The following VPS13B variants were observed in gnomAD, a reference collection of about 807,000 sequenced individuals.
VPS13B encodes intermembrane lipid transfer protein VPS13B.
A neutral mutation model predicts 426.4 loss-of-function variants in VPS13B; 285 were observed. The ratio of observed to expected loss-of-function variants is 0.67; its 90% CI spans 0.61 to 0.74. The LOEUF is 0.74. Ranked by LOEUF, VPS13B falls within the 30% of genes least tolerant of loss-of-function variation. The pLI is 0.00. For synonymous variants in VPS13B, 1,676 were observed against 1,676.4 expected (o/e 1.00, Z 0.01); for missense variants, 4,537 against 4,782.6 (o/e 0.95, Z 1.51).
chr8:99,512,142 T>C (rs993826710), intron 29 of VPS13B, among the ~76,000 whole-genome samples: 1 of 152,258 alleles, frequency 6.6e-6, no homozygotes, highest in Non-Finnish European at 1.5e-5. Flanking sequence ...CAAGCCAGTT[T>C]CTACTTTTTA....
At position 99,695,469 on chromosome 8, in the gene VPS13B, A is replaced by G. The variant is rs961202832; in HGVS notation, c.6047-4056A>G. 8.3e-5 allele frequency among the ~76,000 whole-genome samples: 12 copies of G among 144,208 alleles called. No individual in the cohort carries two copies. The South Asian group carries it at 9.2e-4, about 11-fold the overall frequency. 94.6% of individuals were successfully genotyped at this position (144,208 alleles called of 152,430 possible). Reference sequence around the variant, plus strand: ...AAGAACAAAAAACCAAACACCGCATATTCTCACTCATAGGTGGGAATTGAA... The same window carrying G: ...AAGAACAAAAAACCAAACACCGCATGTTCTCACTCATAGGTGGGAATTGAA... On this transcript the variant is annotated intron_variant, in intron 35 of 61. Transcript: ENST00000357162.
At chr8:99,042,975 G>C (rs921805327) in intron 3 of VPS13B, among the ~76,000 whole-genome samples, 1 of 152,132 alleles carries the variant, frequency 6.6e-6, no homozygotes, top group African/African-American at 2.4e-5. Flanking sequence ...TGAGGCAGCT[G>C]TTTTGATTTG....
In VPS13B at chr8:99,259,250, T is replaced by C. The variant is rs78911620; in HGVS notation, c.2516-14948T>C. On this transcript the variant is annotated intron_variant, in intron 17 of 61. Coordinates refer to ENST00000357162, the MANE Select transcript of VPS13B (RefSeq NM_152564.5). Reference sequence around the variant, plus strand: ...TTTAACCTCAGAAATTATGTTTTTCTTCCTCTTCTATCATGGATGAAATCT... The same window carrying C: ...TTTAACCTCAGAAATTATGTTTTTCCTCCTCTTCTATCATGGATGAAATCT... Among the ~76,000 whole-genome samples the C allele has an allele frequency of 1.2e-4, 19 of 152,250 alleles. No homozygotes were observed. In the East Asian group the frequency reaches 3.7e-3, roughly 29 times the overall value.
intron 35 of VPS13B, among the ~76,000 whole-genome samples, chr8:99,671,540 C>T (rs768093378): frequency 2.6e-5 from 4 of 152,062 alleles, no homozygotes; most frequent in Non-Finnish European, 5.9e-5. Flanking sequence ...AGAAAATCAC[C>T]GTCCAGACCA....
At chr8:99,838,153 G>T (rs1348545558) in intron 54 of VPS13B, among the ~76,000 whole-genome samples, 1 of 152,204 alleles carries the variant, frequency 6.6e-6, no homozygotes, top group African/African-American at 2.4e-5. Context: ...TGGGCTTTCT[G>T]TGGTTGAATC....
chr8:99,330,300 T>G (rs1335537449), intron 19 of VPS13B, among the ~76,000 whole-genome samples: 2 of 151,916 alleles, frequency 1.3e-5, no homozygotes, highest in Non-Finnish European at 2.9e-5. Context: ...ATTATGCCAT[T>G]CATAGAGAAT....
At chr8:99,362,432 G>A (rs1458496910) in intron 19 of VPS13B, among the ~76,000 whole-genome samples, 22 of 152,074 alleles carry the variant, frequency 1.4e-4, no homozygotes, top group Admixed American at 1.3e-3. Flanking sequence ...GTGGGACACC[G>A]CGCCTGGCCT....
At chr8:99,029,601 GTCT>G (rs2132185859) in intron 2 of VPS13B, among the ~76,000 whole-genome samples, 1 of 151,896 alleles carries the variant, frequency 6.6e-6, no homozygotes, top group Admixed American at 6.5e-5. Context: ...GCAAAACCCT[GTCT>G]CCACCAAAAA....
intron 19 of VPS13B, among the ~76,000 whole-genome samples, chr8:99,314,154 C>T (rs1045987889): frequency 7.4e-4 from 113 of 152,220 alleles, no homozygotes; most frequent in African/African-American, 2.6e-3. Context: ...GGCTCATGCT[C>T]GTTGGGCTGC....
chr8:99,749,788 C>T (rs1349171859), intron 39 of VPS13B, among the ~76,000 whole-genome samples: 1 of 151,930 alleles, frequency 6.6e-6, no homozygotes, highest in African/African-American at 2.4e-5. Flanking sequence ...TATGATAGTT[C>T]TATTTTTAGT....
chr8:99,117,512 T>TTCA (rs1260702682), intron 7 of VPS13B, among the ~76,000 whole-genome samples: 1 of 152,208 alleles, frequency 6.6e-6, no homozygotes, highest in Non-Finnish European at 1.5e-5. Context: ...TGGTAACATA[T>TTCA]TCATAGTAGC....
chr8:99,118,401 A>AT (rs982656917), intron 7 of VPS13B, among the ~76,000 whole-genome samples: 9 of 151,708 alleles, frequency 5.9e-5, no homozygotes, highest in Non-Finnish European at 1.2e-4. Context: ...GGGTCTTTTT[A>AT]TTTTTTTTGG....
intron 25 of VPS13B, among the ~76,000 whole-genome samples, chr8:99,499,060 A>G (rs1333854340): frequency 6.6e-6 from 1 of 152,154 alleles, no homozygotes; most frequent in East Asian, 1.9e-4. Context: ...TTCCAAATAA[A>G]CAAAGATAAA....
intron 39 of VPS13B, among the ~76,000 whole-genome samples, chr8:99,766,550 A>G (rs1226443333): frequency 6.6e-6 from 1 of 152,192 alleles, no homozygotes; most frequent in Non-Finnish European, 1.5e-5. Flanking sequence ...TTACTTTTAA[A>G]ATTTTGGCTG....
At chr8:99,626,342 A>G (rs1828612320) in intron 33 of VPS13B, among the ~76,000 whole-genome samples, 1 of 152,230 alleles carries the variant, frequency 6.6e-6, no homozygotes, top group African/African-American at 2.4e-5. Flanking sequence ...GTCATTAAAG[A>G]CTATATACTA....
At chr8:99,584,985 G>A (rs1179884587) in intron 33 of VPS13B, among the ~76,000 whole-genome samples, 1 of 152,146 alleles carries the variant, frequency 6.6e-6, no homozygotes, top group East Asian at 1.9e-4. Flanking sequence ...TACATTTTCT[G>A]TAACTGACTT....
chr8:99,465,992 G>A (rs186091430), intron 23 of VPS13B, among the ~76,000 whole-genome samples: 246 of 152,118 alleles, frequency 1.6e-3, no homozygotes, highest in Non-Finnish European at 3.0e-3. Context: ...TTATAAGAAT[G>A]TATCTTCTGG....
intron 33 of VPS13B, among the ~76,000 whole-genome samples, chr8:99,628,419 A>G (rs1828703551): frequency 1.3e-5 from 2 of 152,166 alleles, no homozygotes; most frequent in Non-Finnish European, 1.5e-5. Context: ...GCTGTCTTAG[A>G]TATTCATAAT....
At chr8:99,310,742 G>A (rs993582527) in intron 19 of VPS13B, among the ~76,000 whole-genome samples, 2 of 152,114 alleles carry the variant, frequency 1.3e-5, no homozygotes, top group African/African-American at 4.8e-5. Flanking sequence ...CTATTGATTG[G>A]AATAGTTTCA....
Sources: gnomAD v4.1 joint callset for allele counts (sites outside exome capture counted in the v4.1 genomes callset) on GRCh38, gnomAD v4.1.1 for gene constraint, MANE v1.5 for transcripts, NCBI Gene and HGNC (gene_info 2026-07-23, HGNC 2026-07-21) for gene names.